ARL15: variants seen among roughly 807,000 people sequenced by gnomAD.
ARL15 encodes the protein ADP-ribosylation factor-like protein 15.
ARL15 carries 19 observed loss-of-function variants against 25.2 expected under a neutral mutation model. That is an observed-to-expected ratio of 0.75 (90% CI 0.53 to 1.10). ARL15 has a LOEUF of 1.10. Among genes scored for constraint, ARL15 ranks in the 50% least tolerant of loss-of-function variants. The probability of loss-of-function intolerance (pLI) is 0.00; values close to 1 mark genes in which losing one functional copy is unlikely to be tolerated. For synonymous variants in ARL15, 94 were observed against 86.8 expected (o/e 1.08, Z -0.46); for missense variants, 220 against 246.0 (o/e 0.89, Z 0.71).
intron 4 of ARL15, among the ~76,000 whole-genome samples, chr5:54,063,761 C>G (rs1182318048): frequency 6.6e-6 from 1 of 152,124 alleles, no homozygotes; most frequent in African/African-American, 2.4e-5. Context: ...GTCTGCTGGA[C>G]TAACACAAAT....
At chr5:54,064,462 C>A (rs1458401896) in intron 4 of ARL15, among the ~76,000 whole-genome samples, 15 of 152,074 alleles carry the variant, frequency 9.9e-5, no homozygotes. Flanking sequence ...TGAGGCTAAC[C>A]ACATATAACA....
At chr5:54,042,265 A>T (rs929635435) in intron 4 of ARL15, among the ~76,000 whole-genome samples, 3 of 152,048 alleles carry the variant, frequency 2.0e-5, no homozygotes, top group African/African-American at 7.2e-5. Context: ...CACCGCACCC[A>T]GCTCTTTCAT....
intron 4 of ARL15, among the ~76,000 whole-genome samples, chr5:54,063,061 T>C (rs998465325): frequency 3.3e-5 from 5 of 152,210 alleles, no homozygotes; most frequent in Non-Finnish European, 1.5e-5. Flanking sequence ...AGAATCATTC[T>C]ACATAACTTC....
At chr5:54,039,201 C>T (rs141459032) in intron 4 of ARL15, among the ~76,000 whole-genome samples, 9 of 152,156 alleles carry the variant, frequency 5.9e-5, no homozygotes, top group African/African-American at 1.7e-4. Context: ...CAATGTTTGT[C>T]GTACCTTGTA....
intron 4 of ARL15, among the ~76,000 whole-genome samples, chr5:54,013,571 G>T (rs1486111193): frequency 6.6e-6 from 1 of 152,182 alleles, no homozygotes; most frequent in African/African-American, 2.4e-5. Flanking sequence ...TGCAGGCATA[G>T]CTTACCTTCC....
chr5:54,022,757 T>C (rs1212597768), intron 4 of ARL15, among the ~76,000 whole-genome samples: 2 of 152,206 alleles, frequency 1.3e-5, no homozygotes, highest in African/African-American at 2.4e-5. Context: ...ATGCATGTAA[T>C]AAACGTGTGT....
chr5:54,287,026 C>T lies in ARL15; in HGVS notation c.48+23406G>A, dbSNP rs1316083776. ...CCAAATAGCTAGGACTACAGGCGCA[C>T]GCCACCATACCCAGCTAATTTTGTT... On this transcript the variant is annotated intron_variant, in intron 1 of 4. Coordinates refer to ENST00000504924, the MANE Select transcript of ARL15 (RefSeq NM_019087.3). Among the ~76,000 whole-genome samples the T allele has an allele frequency of 3.3e-5, 5 of 151,892 alleles. No homozygotes were observed. In the East Asian group the frequency reaches 5.8e-4, roughly 18 times the overall value.
intron 4 of ARL15, among the ~76,000 whole-genome samples, chr5:53,918,352 ATTT>A (rs1231974723): frequency 1.3e-5 from 2 of 151,016 alleles, no homozygotes; most frequent in South Asian, 4.2e-4. Flanking sequence ...TGCCTGGCTA[ATTT>A]TTTTTTATTT....
chr5:54,207,121 A>G (rs1226631158), intron 1 of ARL15, among the ~76,000 whole-genome samples: 1 of 152,144 alleles, frequency 6.6e-6, no homozygotes, highest in African/African-American at 2.4e-5. Flanking sequence ...GTTCTTCTAC[A>G]CCACATGATG....
chr5:53,979,804 C>T (rs956369931), intron 4 of ARL15, among the ~76,000 whole-genome samples: 3 of 151,732 alleles, frequency 2.0e-5, no homozygotes, highest in Non-Finnish European at 4.4e-5. Context: ...CTGCCTCAGT[C>T]ACAGTTGAAA....
At chr5:53,935,869 C>T (rs1746333645) in intron 4 of ARL15, among the ~76,000 whole-genome samples, 1 of 152,170 alleles carries the variant, frequency 6.6e-6, no homozygotes. Context: ...CTGCCTCAGC[C>T]TGCTGAGTAG....
At chr5:54,225,130 G>A (rs1222935826) in intron 1 of ARL15, among the ~76,000 whole-genome samples, 1 of 152,158 alleles carries the variant, frequency 6.6e-6, no homozygotes. Flanking sequence ...AGCCCCTAAA[G>A]GGTAGCATTT....
intron 4 of ARL15, among the ~76,000 whole-genome samples, chr5:53,928,531 G>C (rs1187671438): frequency 5.9e-5 from 9 of 152,120 alleles, no homozygotes; most frequent in East Asian, 3.8e-4. Context: ...ATAAATTGAG[G>C]CTCCATTCTG....
At chr5:54,199,899 G>A in intron 1 of ARL15, among the ~76,000 whole-genome samples, 1 of 108,028 alleles carries the variant, frequency 9.3e-6, no homozygotes, top group Non-Finnish European at 2.0e-5. Context: ...CAACCCAAAT[G>A]TCCAACAATG....
At chr5:54,009,316 AC>A (rs1454198919) in intron 4 of ARL15, among the ~76,000 whole-genome samples, 2 of 152,168 alleles carry the variant, frequency 1.3e-5, no homozygotes, top group Non-Finnish European at 2.9e-5. Context: ...CTTTTCCTCC[AC>A]CCAACAACCT....
At chr5:53,925,902 C>T (rs768845841) in intron 4 of ARL15, among the ~76,000 whole-genome samples, 17 of 151,686 alleles carry the variant, frequency 1.1e-4, no homozygotes, top group Middle Eastern at 6.9e-3. Flanking sequence ...AAATATGTAT[C>T]GTAAACATAG....
At chr5:54,195,348 A>T (rs914839447) in intron 1 of ARL15, among the ~76,000 whole-genome samples, 1 of 152,132 alleles carries the variant, frequency 6.6e-6, no homozygotes, top group Non-Finnish European at 1.5e-5. Flanking sequence ...AACATGCAAA[A>T]AGCTCAGGAG....
chr5:54,023,526 C>A (rs1038287791), intron 4 of ARL15, among the ~76,000 whole-genome samples: 1 of 91,238 alleles, frequency 1.1e-5, no homozygotes, highest in Non-Finnish European at 2.4e-5. Context: ...CCCAAATCTA[C>A]ACATGTGAAA....
chr5:54,204,003 G>A (rs1755793444), intron 1 of ARL15, among the ~76,000 whole-genome samples: 2 of 151,836 alleles, frequency 1.3e-5, no homozygotes, highest in African/African-American at 2.4e-5. Context: ...TGCCCACCCC[G>A]CCAAGGTTTT....
Sources: allele counts gnomAD v4.1 joint callset (sites outside exome capture counted in the v4.1 genomes callset), GRCh38; gene constraint gnomAD v4.1.1; transcripts MANE v1.5; gene names NCBI Gene and HGNC (gene_info 2026-07-23, HGNC 2026-07-21).